The following SHROOM3 variants were observed in gnomAD, a reference collection of about 807,000 sequenced individuals.
SHROOM3 encodes the protein shroom family member 3, also known as protein Shroom3.
SHROOM3 carries 47 observed loss-of-function variants against 138.6 expected under a neutral mutation model. The observed-to-expected ratio is 0.34, with a 90% CI of 0.27 to 0.43. The LOEUF (loss-of-function observed/expected upper bound fraction) is 0.43. Among genes scored for constraint, SHROOM3 ranks in the 20% least tolerant of loss-of-function variants. The probability of loss-of-function intolerance (pLI) is 1.00; values close to 1 mark genes in which losing one functional copy is unlikely to be tolerated. For synonymous variants in SHROOM3, 1,062 were observed against 1,063.3 expected, an observed-to-expected ratio of 1.00 and a Z score of 0.02; for missense variants, 2,491 against 2,596.5, an observed-to-expected ratio of 0.96 and a Z score of 0.88.
chr4:76,636,413 G>C (rs529979988), intron 2 of SHROOM3, among the ~76,000 whole-genome samples: 1 of 152,132 alleles, frequency 6.6e-6, no homozygotes, highest in Non-Finnish European at 1.5e-5. Context: ...ATAAAGTATA[G>C]CTAAGGACTC....
intron 8 of SHROOM3, among the ~76,000 whole-genome samples, chr4:76,758,796 C>A (rs1356342124): frequency 6.6e-6 from 1 of 152,062 alleles, no homozygotes; most frequent in African/African-American, 2.4e-5. Context: ...AAATAAAGTT[C>A]CTCTCCAAGA....
chr4:76,512,960 G>A (rs1217547656), intron 1 of SHROOM3, among the ~76,000 whole-genome samples: 1 of 152,194 alleles, frequency 6.6e-6, no homozygotes, highest in African/African-American at 2.4e-5. Flanking sequence ...ACTGTGGAGT[G>A]CACCCACATC....
chr4:76,721,227 C>T (rs192697503), intron 3 of SHROOM3, among the ~76,000 whole-genome samples: 2,482 of 150,362 alleles, frequency 0.017, 61 homozygotes, highest in African/African-American at 0.056. Flanking sequence ...AGGAGAATGG[C>T]GTGAACCCGG....
At chr4:76,568,815 C>T (rs972678835) in intron 2 of SHROOM3, among the ~76,000 whole-genome samples, 5 of 152,222 alleles carry the variant, frequency 3.3e-5, no homozygotes, top group African/African-American at 4.8e-5. Flanking sequence ...GGGAGCAGTG[C>T]TGTGCAGCGG....
At chr4:76,506,803 AT>A (rs941194256) in intron 1 of SHROOM3, among the ~76,000 whole-genome samples, 1 of 151,532 alleles carries the variant, frequency 6.6e-6, no homozygotes, top group Non-Finnish European at 1.5e-5. Context: ...GATCTTCTTC[AT>A]TTTTTTTGTC....
chr4:76,570,009 A>T (rs960250443), intron 2 of SHROOM3, among the ~76,000 whole-genome samples: 3 of 152,212 alleles, frequency 2.0e-5, no homozygotes, highest in Admixed American at 1.3e-4. Context: ...CAAAGTCTCT[A>T]GCATCGTGCC....
At chr4:76,638,175 G>A (rs900831806) in intron 2 of SHROOM3, among the ~76,000 whole-genome samples, 1 of 152,144 alleles carries the variant, frequency 6.6e-6, no homozygotes, top group Non-Finnish European at 1.5e-5. Context: ...AGAAAATCCA[G>A]AAATGAATTA....
intron 1 of SHROOM3, among the ~76,000 whole-genome samples, chr4:76,466,629 A>G (rs1731254530): frequency 6.6e-6 from 1 of 152,176 alleles, no homozygotes; most frequent in African/African-American, 2.4e-5. Flanking sequence ...TGTTCAATGT[A>G]ATAATGCATT....
chr4:76,470,732 A>G (rs1731352149), intron 1 of SHROOM3, among the ~76,000 whole-genome samples: 1 of 152,216 alleles, frequency 6.6e-6, no homozygotes, highest in Non-Finnish European at 1.5e-5. Flanking sequence ...GAAAATGCCA[A>G]GAAGCCTTTT....
chr4:76,614,577 C>G lies in SHROOM3; in HGVS notation c.323+58814C>G, dbSNP rs966034064. ...CATGGTGGTCTGCTGCACCCATCAA[C>G]CTGTCATCTAGGTTTTAAGCCCTGC... On this transcript the variant is annotated intron_variant, in intron 2 of 10. Transcript: ENST00000296043. Among the ~76,000 whole-genome samples, 3 of 152,114 alleles carry G rather than the reference C, an allele frequency of 2.0e-5. 1 individual carries two copies.
intron 1 of SHROOM3, among the ~76,000 whole-genome samples, chr4:76,542,851 A>G (rs899640623): frequency 6.6e-6 from 1 of 152,252 alleles, no homozygotes; most frequent in Non-Finnish European, 1.5e-5. Flanking sequence ...GTCTGGCCCT[A>G]GACCTTCTGG....
intron 2 of SHROOM3, among the ~76,000 whole-genome samples, chr4:76,674,554 C>CTTTTTT (rs11312421): frequency 2.1e-3 from 218 of 103,318 alleles, no homozygotes; most frequent in East Asian, 5.1e-3. Context: ...TCCTTCCTTC[C>CTTTTTT]TTTTTTTTTT....
intron 2 of SHROOM3, among the ~76,000 whole-genome samples, chr4:76,579,024 A>C (rs907698027): frequency 6.6e-6 from 1 of 152,176 alleles, no homozygotes; most frequent in Non-Finnish European, 1.5e-5. Flanking sequence ...AAAATTTAAA[A>C]AAAAAATTAG....
chr4:76,742,122 A>T (rs1404386760), intron 5 of SHROOM3, 196 bp downstream of exon 5: 1 of 726,098 alleles, frequency 1.4e-6, no homozygotes. Flanking sequence ...AGATATAGGT[A>T]TCTAGATTAC....
Position 76,715,279 on chromosome 4 carries a change from T to A in SHROOM3, c.455+4992T>A, listed in dbSNP as rs549555262. On this transcript the variant is annotated intron_variant, in intron 3 of 10. Coordinates refer to ENST00000296043, the MANE Select transcript of SHROOM3 (RefSeq NM_020859.4). ...AAAAAAGAAAAGCCAGAAGCTCATT[T>A]CCCAGGTATATATAGGAGCCAGTGA... Among the ~76,000 whole-genome samples the A allele has an allele frequency of 2.6e-5, 4 of 152,286 alleles. No individual in the cohort carries two copies. In the South Asian group the frequency reaches 8.3e-4, roughly 32 times the overall value.
At chr4:76,751,054 G>A (rs1327706050) in intron 6 of SHROOM3, among the ~76,000 whole-genome samples, 1 of 152,124 alleles carries the variant, frequency 6.6e-6, no homozygotes, top group Non-Finnish European at 1.5e-5. Flanking sequence ...ACATGGGAGG[G>A]ACTTGATCAC....
At chr4:76,629,608 G>C (rs911881558) in intron 2 of SHROOM3, among the ~76,000 whole-genome samples, 2 of 152,178 alleles carry the variant, frequency 1.3e-5, no homozygotes, top group South Asian at 2.1e-4. Flanking sequence ...CTGGTGACTT[G>C]GACCTGGATC....
chr4:76,738,875 C>G lies in SHROOM3; in HGVS notation c.702C>G (p.Pro234=). 2 of 1,614,254 alleles carry G rather than the reference C, an allele frequency of 1.2e-6. No homozygotes were observed. Among genetic ancestry groups the G allele is most frequent in the Non-Finnish European group, 1.7e-6 (2 of 1,180,038 alleles). ...ESLEPSGAYP[P]CHLSPAKSTG... Reference sequence around the variant, plus strand: ...TGGAGCCCAGTGGGGCATACCCACCCTGTCATCTTTCCCCTGCCAAGTCCA... The same window carrying G: ...TGGAGCCCAGTGGGGCATACCCACCGTGTCATCTTTCCCCTGCCAAGTCCA... The change falls in exon 5 of 11, where the codon CCC becomes CCG. Residue 234 remains proline (P), a synonymous_variant. Transcript: ENST00000296043.
intron 2 of SHROOM3, among the ~76,000 whole-genome samples, chr4:76,600,336 TG>T (rs11334786): frequency 0.44 from 67,411 of 151,838 alleles, 15,343 homozygotes; most frequent in East Asian, 0.67. Context: ...ATACATGGCT[TG>T]CTCCTTCCTG....
Sources: gnomAD v4.1 joint callset for allele counts (sites outside exome capture counted in the v4.1 genomes callset) on GRCh38, gnomAD v4.1.1 for gene constraint, MANE v1.5 for transcripts, NCBI Gene and HGNC (gene_info 2026-07-23, HGNC 2026-07-21) for gene names.